The following SLC25A26 variants were observed in gnomAD, a reference collection of about 807,000 sequenced individuals.
The protein encoded by SLC25A26 is solute carrier family 25 member 26.
SLC25A26 carries 36 observed loss-of-function variants against 37.8 expected under a neutral mutation model. The observed-to-expected ratio is 0.95, with a 90% confidence interval of 0.73 to 1.26. The LOEUF is 1.26. Among genes scored for constraint, SLC25A26 ranks in the 50% most tolerant of loss-of-function variants. The probability of loss-of-function intolerance (pLI) is 0.00; values close to 1 mark genes in which losing one functional copy is unlikely to be tolerated. For missense variants in SLC25A26, 390 were observed against 331.1 expected (o/e 1.18, Z -1.38); for synonymous variants, 129 against 122.5 (o/e 1.05, Z -0.35).
intron 7 of SLC25A26, among the ~76,000 whole-genome samples, chr3:66,368,088 G>T (rs900391823): frequency 2.0e-5 from 3 of 152,114 alleles, no homozygotes; most frequent in Non-Finnish European, 4.4e-5. Context: ...AGGAGGCTTG[G>T]TATAATCTTA....
intron 6 of SLC25A26, among the ~76,000 whole-genome samples, chr3:66,352,736 T>C (rs780765014): frequency 1.3e-5 from 2 of 151,874 alleles, no homozygotes; most frequent in Non-Finnish European, 2.9e-5. Context: ...ACTGACCCCA[T>C]GGAGCATTCA....
At chr3:66,314,454 T>A (rs956008186) in intron 5 of SLC25A26, among the ~76,000 whole-genome samples, 1 of 152,134 alleles carries the variant, frequency 6.6e-6, no homozygotes, top group Non-Finnish European at 1.5e-5. Context: ...CCGTGCATCC[T>A]GGGGATGAAG....
intron 1 of SLC25A26, among the ~76,000 whole-genome samples, chr3:66,223,752 G>A (rs562660252): frequency 8.5e-5 from 13 of 152,206 alleles, no homozygotes; most frequent in Non-Finnish European, 1.9e-4. Context: ...CCTTCCTAAA[G>A]CTTCATGAAG....
intron 5 of SLC25A26, among the ~76,000 whole-genome samples, chr3:66,328,079 G>A (rs1228769541): frequency 2.6e-5 from 4 of 152,000 alleles, no homozygotes; most frequent in South Asian, 2.1e-4. Context: ...ATAACCTCCC[G>A]CCTGCCATTG....
In SLC25A26 at chr3:66,311,452, G is replaced by A. The variant is rs556006922; in HGVS notation, c.454-34912G>A. Among the ~76,000 whole-genome samples the A allele has an allele frequency of 9.7e-4, 148 of 152,002 alleles. 1 individual carries two copies. Among genetic ancestry groups the A allele is most frequent in the African/African-American group, 3.3e-3 (136 of 41,454 alleles). ...GGTTAGAACATGCTCCTTTAGCTCC[G>A]AGGAGTTTGTTATTACCCACCTTCT... On this transcript the variant is annotated intron_variant, in intron 5 of 9. Coordinates refer to ENST00000354883, the MANE Select transcript of SLC25A26 (RefSeq NM_001379210.1).
At chr3:66,169,615 G>A (rs2070468290) in intron 1 of SLC25A26, among the ~76,000 whole-genome samples, 1 of 152,264 alleles carries the variant, frequency 6.6e-6, no homozygotes, top group Middle Eastern at 3.4e-3. Context: ...CATGACAAGG[G>A]CCTGGTTTAT....
chr3:66,137,580 C>T (rs1447542568), intron 1 of SLC25A26, among the ~76,000 whole-genome samples: 1 of 151,998 alleles, frequency 6.6e-6, no homozygotes, highest in Non-Finnish European at 1.5e-5. Context: ...AAAAAAAATT[C>T]TATAGTTTAT....
intron 5 of SLC25A26, among the ~76,000 whole-genome samples, chr3:66,267,779 C>G (rs2073811110): frequency 1.3e-5 from 2 of 152,268 alleles, no homozygotes; most frequent in African/African-American, 4.8e-5. Context: ...TCTTTAGGTG[C>G]AAAAATCATC....
At chr3:66,284,246 G>T (rs1281347487) in intron 5 of SLC25A26, among the ~76,000 whole-genome samples, 3 of 152,122 alleles carry the variant, frequency 2.0e-5, no homozygotes, top group Non-Finnish European at 4.4e-5. Context: ...TTACTTGGGA[G>T]GCTGAGGTGG....
exon 1 of SLC25A26, chr3:66,133,727 G>A (rs2069904967): frequency 6.6e-6 from 1 of 152,198 alleles, no homozygotes; most frequent in Non-Finnish European, 1.5e-5. Flanking sequence ...TGAGATGATG[G>A]CAGTTAGAAT....
At chr3:66,286,990 G>T (rs1007529613) in intron 5 of SLC25A26, among the ~76,000 whole-genome samples, 18 of 151,962 alleles carry the variant, frequency 1.2e-4, no homozygotes, top group African/African-American at 4.3e-4. Flanking sequence ...TGATATGATG[G>T]CTATCTTAAA....
At chr3:66,224,784 T>C (rs1243280936) in intron 1 of SLC25A26, among the ~76,000 whole-genome samples, 2 of 152,178 alleles carry the variant, frequency 1.3e-5, no homozygotes, top group Non-Finnish European at 2.9e-5. Context: ...GTTAATTACT[T>C]CCTAGATACA....
intron 1 of SLC25A26, among the ~76,000 whole-genome samples, chr3:66,142,945 T>G (rs956257686): frequency 1.6e-4 from 24 of 152,040 alleles, no homozygotes; most frequent in African/African-American, 5.3e-4. Context: ...CTTTTTATTT[T>G]TTGTAGAGAT....
At position 66,263,440 on chromosome 3, in the gene SLC25A26, T is replaced by G. The variant is rs1243645452; in HGVS notation, c.453+61T>G. On this transcript the variant is annotated intron_variant, in intron 5 of 9. Transcript: ENST00000354883. ...GAATGATGTCCTTTGTTCAGTAAAT[T>G]TATACTACTTAACAATTAGAAATAT... 4 of 999,098 alleles carry G rather than the reference T, an allele frequency of 4.0e-6. No homozygotes were observed. In the African/African-American group the frequency reaches 6.4e-5, roughly 16 times the overall value. 61.9% of individuals were successfully genotyped at this position (999,098 alleles called of 1,614,324 possible). A position where few individuals can be genotyped will look rare whatever the true frequency, so the allele number is the denominator to read the frequency against.
Position 66,377,747 on chromosome 3 carries a change from T to C in SLC25A26, c.765T>C (p.Phe255=). The C allele has an allele frequency of 6.2e-7, 1 of 1,613,938 alleles. No homozygotes were observed. Among genetic ancestry groups the C allele is most frequent in the African/African-American group, 1.3e-5 (1 of 75,024 alleles). Residue 255 remains phenylalanine, a synonymous_variant, in exon 10 of 10, where the codon TTT becomes TTC. Coordinates refer to ENST00000354883, the MANE Select transcript of SLC25A26 (RefSeq NM_001379210.1). ...CCATCAGTCTGGGAGGTTTCATCTT[T>C]CTGGGGGCTTATGACCGAACGCACA... ...MAAISLGGFI[F]LGAYDRTHSL...
upstream of SLC25A26, chr3:66,220,864 G>C: frequency 1.7e-6 from 1 of 582,068 alleles, no homozygotes; most frequent in South Asian, 2.0e-5. Context: ...CCGAGGTAAG[G>C]GATTTGCCGA....
At chr3:66,232,284 T>C (rs574319437) in intron 1 of SLC25A26, among the ~76,000 whole-genome samples, 5 of 152,338 alleles carry the variant, frequency 3.3e-5, no homozygotes, top group Admixed American at 3.3e-4. Context: ...GAGAATCATA[T>C]TTTCATATTT....
intron 5 of SLC25A26, among the ~76,000 whole-genome samples, chr3:66,264,075 G>A (rs1165779965): frequency 2.0e-5 from 3 of 152,110 alleles, no homozygotes; most frequent in South Asian, 2.1e-4. Context: ...AGGCAAGTTC[G>A]AAACCAACCT....
chr3:66,211,408 G>A (rs1559578849), intron 1 of SLC25A26, among the ~76,000 whole-genome samples: 2 of 152,176 alleles, frequency 1.3e-5, no homozygotes, highest in South Asian at 2.1e-4. Context: ...AAAGTGGCAC[G>A]TAATCGTGAG....
Sources: allele counts gnomAD v4.1 joint callset (sites outside exome capture counted in the v4.1 genomes callset), GRCh38; gene constraint gnomAD v4.1.1; transcripts MANE v1.5; gene names NCBI Gene and HGNC (gene_info 2026-07-23, HGNC 2026-07-21).